Variants in ROBO1 observed in about 807,000 individuals in gnomAD.
ROBO1 encodes the protein roundabout guidance receptor 1.
In ROBO1, 149 loss-of-function variants were observed where a neutral mutation model predicts 195.9. The ratio of observed to expected loss-of-function variants is 0.76; its 90% CI spans 0.67 to 0.87. The LOEUF (loss-of-function observed/expected upper bound fraction) is 0.87, where lower values mean the gene tolerates loss of function less well. Among genes scored for constraint, ROBO1 ranks in the 40% least tolerant of loss-of-function variants. The probability of loss-of-function intolerance (pLI) is 0.00; values close to 1 mark genes in which losing one functional copy is unlikely to be tolerated. For synonymous variants in ROBO1, 816 were observed against 733.2 expected (o/e 1.11, Z -1.82); for missense variants, 1,933 against 2,068.3 (o/e 0.93, Z 1.27).
intron 4 of ROBO1, among the ~76,000 whole-genome samples, chr3:78,838,601 G>T (rs569751537): frequency 9.2e-5 from 14 of 152,210 alleles, no homozygotes; most frequent in African/African-American, 3.4e-4. Flanking sequence ...GATTGGGGAC[G>T]TGCCAGGTTC....
chr3:79,335,567 C>T (rs865929890), intron 2 of ROBO1, among the ~76,000 whole-genome samples: 4 of 152,186 alleles, frequency 2.6e-5, no homozygotes, highest in Non-Finnish European at 5.9e-5. Context: ...TTTGCTTCCC[C>T]TTCTGCCATG....
intron 1 of ROBO1, among the ~76,000 whole-genome samples, chr3:79,726,024 A>G (rs544593051): frequency 6.6e-6 from 1 of 152,200 alleles, no homozygotes; most frequent in Non-Finnish European, 1.5e-5. Context: ...AGGAAGACTA[A>G]ATTCAAACAA....
intron 2 of ROBO1, among the ~76,000 whole-genome samples, chr3:79,215,030 C>T (rs1322897362): frequency 1.3e-5 from 2 of 151,948 alleles, no homozygotes; most frequent in Admixed American, 1.3e-4. Context: ...TTTTGCCAAA[C>T]GCAAGCTCCC....
intron 2 of ROBO1, among the ~76,000 whole-genome samples, chr3:79,378,429 G>A (rs543752019): frequency 1.3e-5 from 2 of 152,212 alleles, no homozygotes; most frequent in Non-Finnish European, 2.9e-5. Flanking sequence ...ACTTACTGCT[G>A]CTGTGCTTTA....
chr3:78,913,022 T>G (rs145221155), intron 4 of ROBO1, among the ~76,000 whole-genome samples: 2 of 152,160 alleles, frequency 1.3e-5, no homozygotes, highest in African/African-American at 2.4e-5. Context: ...TTTTTTGATA[T>G]GATTTTTTGT....
At chr3:79,668,424 C>CA (rs59728866) in intron 1 of ROBO1, among the ~76,000 whole-genome samples, 267 of 148,086 alleles carry the variant, frequency 1.8e-3, no homozygotes, top group South Asian at 5.0e-3. Context: ...CTCTGTGAAG[C>CA]AAAAAAAAAA....
chr3:78,662,323 C>T (rs1196225857), intron 14 of ROBO1, among the ~76,000 whole-genome samples: 12 of 150,928 alleles, frequency 8.0e-5, no homozygotes, highest in East Asian at 7.8e-4. Flanking sequence ...GTAGAGAGAA[C>T]GCAGAGGACA....
At chr3:79,567,407 A>G (rs1943124100) in intron 2 of ROBO1, among the ~76,000 whole-genome samples, 1 of 152,208 alleles carries the variant, frequency 6.6e-6, no homozygotes, top group African/African-American at 2.4e-5. Context: ...AGGAGAGAAT[A>G]ATAAAATAAA....
chr3:79,515,630 A>G (rs957952891), intron 2 of ROBO1, among the ~76,000 whole-genome samples: 2 of 152,196 alleles, frequency 1.3e-5, no homozygotes, highest in African/African-American at 4.8e-5. Context: ...ATATTCATAA[A>G]TAATATTCTC....
intron 4 of ROBO1, among the ~76,000 whole-genome samples, chr3:78,886,450 C>T (rs2036576894): frequency 6.6e-6 from 1 of 151,980 alleles, no homozygotes; most frequent in Non-Finnish European, 1.5e-5. Context: ...AAAAACTACC[C>T]AGGTGTGTTG....
chr3:78,695,363 C>T (rs189897423), intron 8 of ROBO1, among the ~76,000 whole-genome samples: 7 of 152,216 alleles, frequency 4.6e-5, no homozygotes, highest in African/African-American at 4.8e-5. Flanking sequence ...ACGTGGCTCT[C>T]GCCTGTAATC....
At chr3:79,058,947 C>T (rs1340628470) in intron 3 of ROBO1, among the ~76,000 whole-genome samples, 5 of 152,120 alleles carry the variant, frequency 3.3e-5, no homozygotes, top group African/African-American at 1.2e-4. Flanking sequence ...TCAATCTATT[C>T]ACATGGCTCA....
At chr3:79,175,816 T>C (rs1358154057) in intron 2 of ROBO1, among the ~76,000 whole-genome samples, 1 of 152,226 alleles carries the variant, frequency 6.6e-6, no homozygotes, top group Admixed American at 6.5e-5. Context: ...GTGGTTCTTA[T>C]TTGACCCACT....
chr3:78,946,770 G>A (rs1301706278), intron 3 of ROBO1, among the ~76,000 whole-genome samples: 1 of 152,118 alleles, frequency 6.6e-6, no homozygotes, highest in Non-Finnish European at 1.5e-5. Context: ...GCTGTATTCA[G>A]GAGACCCATC....
At chr3:78,807,100 G>T (rs1041415031) in intron 4 of ROBO1, among the ~76,000 whole-genome samples, 4 of 152,016 alleles carry the variant, frequency 2.6e-5, no homozygotes, top group Admixed American at 2.0e-4. Context: ...GAGCCACCGT[G>T]CCCGGCCTAA....
chr3:79,595,986 A>G (rs764539512), intron 1 of ROBO1, among the ~76,000 whole-genome samples: 14 of 150,894 alleles, frequency 9.3e-5, no homozygotes, highest in Non-Finnish European at 1.9e-4. Context: ...TAACAGATGA[A>G]TCACTCAGCA....
chr3:79,569,914 C>T (rs1407254730), intron 2 of ROBO1, among the ~76,000 whole-genome samples: 1 of 151,874 alleles, frequency 6.6e-6, no homozygotes, highest in East Asian at 1.9e-4. Context: ...GCTTAGGCAA[C>T]TTGGGAAGAC....
At chr3:79,683,256 A>T (rs1473293974) in intron 1 of ROBO1, among the ~76,000 whole-genome samples, 1 of 152,028 alleles carries the variant, frequency 6.6e-6, no homozygotes, top group Non-Finnish European at 1.5e-5. Context: ...CCAGTCCCTG[A>T]TCCTTTCCCT....
intron 2 of ROBO1, among the ~76,000 whole-genome samples, chr3:79,173,847 C>T (rs1047094487): frequency 4.6e-5 from 7 of 152,238 alleles, no homozygotes; most frequent in Admixed American, 2.6e-4. Context: ...ATACACCAAT[C>T]GGCACTCTGT....
Sources: allele counts gnomAD v4.1 joint callset (sites outside exome capture counted in the v4.1 genomes callset), GRCh38; gene constraint gnomAD v4.1.1; transcripts MANE v1.5; gene names NCBI Gene and HGNC (gene_info 2026-07-23, HGNC 2026-07-21).